TENM3: variants seen among roughly 807,000 people sequenced by gnomAD.
TENM3 encodes teneurin transmembrane protein 3, also known as teneurin-3.
TENM3 carries 63 observed loss-of-function variants against 255.1 expected under a neutral mutation model. The ratio of observed to expected loss-of-function variants is 0.25; its 90% CI spans 0.20 to 0.30. TENM3 has a LOEUF of 0.30. Ranked by LOEUF, TENM3 falls within the 10% of genes least tolerant of loss-of-function variation. The probability of loss-of-function intolerance (pLI) is 1.00; values close to 1 mark genes in which losing one functional copy is unlikely to be tolerated. For synonymous variants in TENM3, 1,306 were observed against 1,322.3 expected (o/e 0.99, Z 0.27); for missense variants, 2,929 against 3,461.1 (o/e 0.85, Z 3.86).
At chr4:182,642,934 A>T (rs1348026507) in intron 5 of TENM3, among the ~76,000 whole-genome samples, 2 of 152,224 alleles carry the variant, frequency 1.3e-5, no homozygotes, top group African/African-American at 4.8e-5. Flanking sequence ...ATAACAAATA[A>T]TAATGAATTA....
chr4:181,667,331 C>T, the TENM3 span, among the ~76,000 whole-genome samples: 4 of 152,094 alleles, frequency 2.6e-5, no homozygotes, highest in Admixed American at 6.6e-5. Flanking sequence ...CAAAACAGAC[C>T]TTTCTTCATG....
chr4:181,651,545 G>A, the TENM3 span, among the ~76,000 whole-genome samples: 8 of 151,066 alleles, frequency 5.3e-5, no homozygotes, highest in African/African-American at 2.4e-5. Flanking sequence ...CTGAGATCAC[G>A]CCACTGCACT....
At chr4:182,587,894 T>G (rs1419376788) in intron 3 of TENM3, among the ~76,000 whole-genome samples, 1 of 152,164 alleles carries the variant, frequency 6.6e-6, no homozygotes, top group African/African-American at 2.4e-5. Flanking sequence ...AGTTTATTTT[T>G]AAAATAAAGG....
rs1185705590 is a variant in TENM3 at position 182,473,245 on chromosome 4, A to G, written c.511+126316A>G. Among the ~76,000 whole-genome samples, 4 of 152,360 alleles carry G rather than the reference A, an allele frequency of 2.6e-5. No individual in the cohort carries two copies. The Middle Eastern group carries it at 0.01, about 389-fold the overall frequency. On this transcript the variant is annotated intron_variant, in intron 3 of 27. Coordinates refer to ENST00000511685, the MANE Select transcript of TENM3 (RefSeq NM_001080477.4). ...TATTTGGAAAATGTCTATGGCTTCA[A>G]GGTCCTAAGAGATAGAAACAAAGAT...
chr4:182,573,016 G>A (rs1227014064), intron 3 of TENM3, among the ~76,000 whole-genome samples: 2 of 152,110 alleles, frequency 1.3e-5, no homozygotes, highest in Non-Finnish European at 2.9e-5. Context: ...TAAAACTCTT[G>A]TTTATTGATC....
At chr4:181,720,873 C>A in the TENM3 span, among the ~76,000 whole-genome samples, 1 of 152,120 alleles carries the variant, frequency 6.6e-6, no homozygotes, top group Non-Finnish European at 1.5e-5. Context: ...TGAAGGAAAT[C>A]TCTCTGGAGA....
At chr4:182,128,588 T>C in the TENM3 span, among the ~76,000 whole-genome samples, 1 of 152,212 alleles carries the variant, frequency 6.6e-6, no homozygotes, top group Non-Finnish European at 1.5e-5. Context: ...TTCTTTAAGG[T>C]GAACAATTCC....
At chr4:182,004,314 G>T in the TENM3 span, among the ~76,000 whole-genome samples, 2 of 152,034 alleles carry the variant, frequency 1.3e-5, no homozygotes, top group East Asian at 3.9e-4. Flanking sequence ...GAAAACATGC[G>T]GTGTTTGGTT....
At chr4:181,998,602 G>C in the TENM3 span, among the ~76,000 whole-genome samples, 4 of 152,004 alleles carry the variant, frequency 2.6e-5, no homozygotes, top group Admixed American at 2.6e-4. Context: ...GAGGTTCTAG[G>C]GGACTACTTA....
intron 2 of TENM3, among the ~76,000 whole-genome samples, chr4:182,339,344 C>T (rs1295173010): frequency 6.6e-6 from 1 of 152,190 alleles, no homozygotes; most frequent in East Asian, 1.9e-4. Flanking sequence ...CTCAACCTTA[C>T]ATTTCTGTAC....
chr4:182,421,964 A>G (rs1255688193), intron 3 of TENM3, among the ~76,000 whole-genome samples: 3 of 152,174 alleles, frequency 2.0e-5, no homozygotes, highest in African/African-American at 7.2e-5. Context: ...TGGCTTTTAC[A>G]TTAGGCAGTT....
At chr4:181,450,472 G>A in the TENM3 span, among the ~76,000 whole-genome samples, 8 of 152,100 alleles carry the variant, frequency 5.3e-5, no homozygotes, top group Non-Finnish European at 7.4e-5. Context: ...ATGAAAAAGG[G>A]CATCTGCTCC....
chr4:181,612,401 G>C, the TENM3 span, among the ~76,000 whole-genome samples: 1 of 152,054 alleles, frequency 6.6e-6, no homozygotes, highest in Non-Finnish European at 1.5e-5. Context: ...AATCAAATGA[G>C]GTACAGAACA....
chr4:182,184,473 A>G (rs890312071), intron 1 of TENM3, among the ~76,000 whole-genome samples: 4 of 147,922 alleles, frequency 2.7e-5, no homozygotes, highest in East Asian at 2.0e-4. Flanking sequence ...AATTACAACT[A>G]TGAAGAGATG....
intron 5 of TENM3, among the ~76,000 whole-genome samples, chr4:182,632,148 G>C (rs1751429305): frequency 6.6e-6 from 1 of 152,006 alleles, no homozygotes; most frequent in South Asian, 2.1e-4. Flanking sequence ...TTTTATACTA[G>C]GCTTTTCTCA....
chr4:181,465,190 A>G, the TENM3 span, among the ~76,000 whole-genome samples: 1 of 151,160 alleles, frequency 6.6e-6, no homozygotes. Context: ...AAGAAAAAAA[A>G]TTGTACCCAT....
At chr4:182,625,747 A>C (rs904083519) in intron 4 of TENM3, among the ~76,000 whole-genome samples, 1 of 152,184 alleles carries the variant, frequency 6.6e-6, no homozygotes, top group Non-Finnish European at 1.5e-5. Flanking sequence ...TCCAAGCTTC[A>C]CAAGAGGCAT....
intron 3 of TENM3, among the ~76,000 whole-genome samples, chr4:182,428,175 G>T (rs1241155258): frequency 6.6e-6 from 1 of 152,130 alleles, no homozygotes; most frequent in African/African-American, 2.4e-5. Context: ...ACTGCATTAG[G>T]TGCTTTTGGA....
chr4:182,425,557 A>G (rs1390009943), intron 3 of TENM3, among the ~76,000 whole-genome samples: 1 of 152,218 alleles, frequency 6.6e-6, no homozygotes, highest in Non-Finnish European at 1.5e-5. Context: ...CTGATGAAAC[A>G]CAGATGTTTC....
Sources: gnomAD v4.1 joint callset for allele counts (sites outside exome capture counted in the v4.1 genomes callset) on GRCh38, gnomAD v4.1.1 for gene constraint, MANE v1.5 for transcripts, NCBI Gene and HGNC (gene_info 2026-07-23, HGNC 2026-07-21) for gene names.